NAV3: variants seen among roughly 807,000 people sequenced by gnomAD.
NAV3 encodes the protein neuron navigator 3.
Under a neutral mutation model 244.7 loss-of-function variants are expected in NAV3, and 87 were observed. The ratio of observed to expected loss-of-function variants is 0.36; its 90% CI spans 0.30 to 0.42. The LOEUF (loss-of-function observed/expected upper bound fraction) is 0.42. Among genes scored for constraint, NAV3 ranks in the 20% least tolerant of loss-of-function variants. The pLI is 1.00. For synonymous variants in NAV3, 1,126 were observed against 1,042.2 expected, an observed-to-expected ratio of 1.08 and a Z score of -1.55; for missense variants, 2,663 against 2,893.3, an observed-to-expected ratio of 0.92 and a Z score of 1.83.
intron 2 of NAV3, among the ~76,000 whole-genome samples, chr12:77,774,057 A>G (rs1592670099): frequency 1.3e-5 from 2 of 152,136 alleles, no homozygotes; most frequent in Admixed American, 6.5e-5. Context: ...TTGTGTTTAT[A>G]TTTTTTTACA....
chr12:78,112,459 G>A (rs367661573), intron 12 of NAV3, among the ~76,000 whole-genome samples: 2 of 152,144 alleles, frequency 1.3e-5, no homozygotes, highest in Admixed American at 6.5e-5. Flanking sequence ...AGTTCAACAT[G>A]ACTGGGGAGG....
chr12:78,012,073 T>G (rs79278635), intron 8 of NAV3, among the ~76,000 whole-genome samples: 2,690 of 152,260 alleles, frequency 0.018, 93 homozygotes, highest in African/African-American at 0.061. Context: ...GAGATGAGAT[T>G]TGTGTAGGGA....
chr12:78,058,009 A>G (rs1883770395), intron 11 of NAV3, among the ~76,000 whole-genome samples: 1 of 152,212 alleles, frequency 6.6e-6, no homozygotes, highest in African/African-American at 2.4e-5. Context: ...AATGTTATCT[A>G]TGCCACTCTA....
At chr12:77,984,232 C>T (rs879891822) in intron 5 of NAV3, among the ~76,000 whole-genome samples, 2 of 152,172 alleles carry the variant, frequency 1.3e-5, no homozygotes, top group Non-Finnish European at 2.9e-5. Flanking sequence ...TTCAAGGAAT[C>T]ACAGTCCCAA....
chr12:77,855,860 G>C (rs1024378381), intron 1 of NAV3, among the ~76,000 whole-genome samples: 3 of 152,190 alleles, frequency 2.0e-5, no homozygotes, highest in Non-Finnish European at 4.4e-5. Context: ...GGAACTCCTA[G>C]CTGACCTTAG....
upstream of NAV3, among the ~76,000 whole-genome samples, chr12:77,826,359 G>A (rs1441995957): frequency 6.6e-6 from 1 of 151,828 alleles, no homozygotes. Context: ...AATACAGATG[G>A]TGCACATCTG....
intron 9 of NAV3, among the ~76,000 whole-genome samples, chr12:78,031,466 A>G (rs960421512): frequency 1.3e-5 from 2 of 152,084 alleles, no homozygotes; most frequent in Non-Finnish European, 2.9e-5. Context: ...AAGTTTGATC[A>G]GAACAAATAA....
intron 12 of NAV3, among the ~76,000 whole-genome samples, chr12:78,101,457 C>T (rs545678915): frequency 6.6e-6 from 1 of 152,252 alleles, no homozygotes; most frequent in African/African-American, 2.4e-5. Flanking sequence ...CTTTTTTAAA[C>T]TGCTATAAAA....
Position 78,113,501 on chromosome 12 carries a change from A to G in NAV3, c.2637-3271A>G, listed in dbSNP as rs150309279. On this transcript the variant is annotated intron_variant, in intron 12 of 39. Transcript: ENST00000397909. ...TCTGCAAATGTAGGCTCAACACCCC[A>G]TGGAAGCTGGCAAAGCTTGGGGCTT... Among the ~76,000 whole-genome samples the G allele has an allele frequency of 2.4e-3, 364 of 152,282 alleles. 3 individuals carry two copies. Among genetic ancestry groups the G allele is most frequent in the African/African-American group, 8.5e-3 (353 of 41,556 alleles).
chr12:77,739,811 T>G (rs1868293820), intron 2 of NAV3, among the ~76,000 whole-genome samples: 1 of 152,182 alleles, frequency 6.6e-6, no homozygotes, highest in Admixed American at 6.5e-5. Context: ...GATGGAAAAT[T>G]CAGATCCACA....
In NAV3 at chr12:77,901,862, T is replaced by G. The variant is rs548212519; in HGVS notation, c.244-38457T>G. On this transcript the variant is annotated intron_variant, in intron 1 of 39. Transcript: ENST00000397909. ...TAGTTTCTGTTTGGAGTCCCCAAAT[T>G]TGCTTGGATATGCAGCTCTGAGATG... 3.8e-4 allele frequency among the ~76,000 whole-genome samples: 58 copies of G among 152,230 alleles called. No individual in the cohort carries two copies. The Middle Eastern group carries it at 0.014, about 36-fold the overall frequency.
intron 30 of NAV3, among the ~76,000 whole-genome samples, chr12:78,183,317 G>T (rs995937009): frequency 1.3e-5 from 2 of 151,960 alleles, no homozygotes; most frequent in African/African-American, 4.8e-5. Context: ...ACAGTCAACA[G>T]AAGGAGTTAG....
rs140256878 is a variant in NAV3, at chr12:77,955,857, T to C, written c.415-10372T>C. Among the ~76,000 whole-genome samples the C allele has an allele frequency of 1.2e-3, 175 of 151,772 alleles. 1 individual carries two copies. Among genetic ancestry groups the C allele is most frequent in the African/African-American group, 3.9e-3 (163 of 41,386 alleles). On this transcript the variant is annotated intron_variant, in intron 3 of 39. Transcript: ENST00000397909. ...TGCATGCCAGCCTGGGCAATGGGAG[T>C]AAAACCCTGTCTCGAAAAAAGAAAA...
intron 23 of NAV3, among the ~76,000 whole-genome samples, chr12:78,165,518 CT>C (rs1351529724): frequency 1.3e-5 from 2 of 151,710 alleles, no homozygotes; most frequent in Non-Finnish European, 2.9e-5. Flanking sequence ...TTAAAAATTT[CT>C]AATGATTTTA....
chr12:77,873,773 T>TATATATATATATATATATATAAAA (rs762527287), intron 1 of NAV3, among the ~76,000 whole-genome samples: 3 of 128,622 alleles, frequency 2.3e-5, no homozygotes, highest in African/African-American at 8.6e-5. Context: ...TATATGTATA[T>TATATATATATATATATATATAAAA]AACAGCATAT....
At chr12:77,873,899 C>T (rs1344823466) in intron 1 of NAV3, among the ~76,000 whole-genome samples, 1 of 150,940 alleles carries the variant, frequency 6.6e-6, no homozygotes, top group African/African-American at 2.4e-5. Flanking sequence ...GGGCCATGGA[C>T]TGGTACCGGT....
At chr12:78,090,954 CTGTGTGTGTGTGTGTG>C (rs10581059) in intron 12 of NAV3, among the ~76,000 whole-genome samples, 93 of 142,658 alleles carry the variant, frequency 6.5e-4, no homozygotes, top group African/African-American at 2.1e-3. Flanking sequence ...GTGCTGTATT[CTGTGTGTGTGTGTGTG>C]TGTGTGTGTG....
At chr12:77,995,731 G>A (rs1002944743) in intron 6 of NAV3, among the ~76,000 whole-genome samples, 1 of 152,068 alleles carries the variant, frequency 6.6e-6, no homozygotes, top group Non-Finnish European at 1.5e-5. Flanking sequence ...TTCCAGAGTA[G>A]CCAAAATAAT....
At chr12:77,744,655 G>C (rs1302237073) in intron 2 of NAV3, among the ~76,000 whole-genome samples, 1 of 151,856 alleles carries the variant, frequency 6.6e-6, no homozygotes, top group Non-Finnish European at 1.5e-5. Context: ...CGCATATATA[G>C]AACACTGAAT....
Sources: gnomAD v4.1 joint callset for allele counts (sites outside exome capture counted in the v4.1 genomes callset) on GRCh38, gnomAD v4.1.1 for gene constraint, MANE v1.5 for transcripts, NCBI Gene and HGNC (gene_info 2026-07-23, HGNC 2026-07-21) for gene names.